CDC42EP3: variants seen among roughly 807,000 people sequenced by gnomAD.
CDC42EP3 encodes CDC42 effector protein 3, also known as CDC42 effector protein (Rho GTPase binding) 3.
Under a neutral mutation model 15.5 loss-of-function variants are expected in CDC42EP3, and 4 were observed. That is an observed-to-expected ratio of 0.26 (90% CI 0.13 to 0.59). The LOEUF (loss-of-function observed/expected upper bound fraction) is 0.59. Ranked by LOEUF, CDC42EP3 falls within the 20% of genes least tolerant of loss-of-function variation. The pLI is 0.89. For synonymous variants in CDC42EP3, 145 were observed against 130.3 expected, an observed-to-expected ratio of 1.11 and a Z score of -0.77; for missense variants, 309 against 311.2, an observed-to-expected ratio of 0.99 and a Z score of 0.05.
intron 1 of CDC42EP3, among the ~76,000 whole-genome samples, chr2:37,652,543 G>C (rs933978420): frequency 1.3e-5 from 2 of 152,030 alleles, no homozygotes; most frequent in Non-Finnish European, 1.5e-5. Context: ...ACATTCACTC[G>C]TGTCTGTCCT....
At chr2:37,670,287 C>A (rs1572531441) in intron 1 of CDC42EP3, among the ~76,000 whole-genome samples, 1 of 152,190 alleles carries the variant, frequency 6.6e-6, no homozygotes, top group South Asian at 2.1e-4. Context: ...TCCCAAGAAA[C>A]TCTTGGATAT....
intron 1 of CDC42EP3, among the ~76,000 whole-genome samples, chr2:37,657,084 C>T (rs1665889254): frequency 6.8e-6 from 1 of 147,002 alleles, no homozygotes; most frequent in African/African-American, 2.5e-5. Flanking sequence ...CAGAGGAAGC[C>T]CATTGCATGC....
chr2:37,654,594 G>A (rs937674788), intron 1 of CDC42EP3, among the ~76,000 whole-genome samples: 17 of 152,120 alleles, frequency 1.1e-4, no homozygotes, highest in Admixed American at 3.3e-4. Context: ...ACAGAGGGGA[G>A]GGCGGTTACC....
At chr2:37,663,929 C>T (rs991212636) in intron 1 of CDC42EP3, among the ~76,000 whole-genome samples, 1 of 152,098 alleles carries the variant, frequency 6.6e-6, no homozygotes. Flanking sequence ...AATCCCAGCA[C>T]TTTGGGAGGC....
At position 37,645,677 on chromosome 2, in the gene CDC42EP3, A is replaced by T; in HGVS notation, c.*146T>A. The T allele has an allele frequency of 1.5e-6, 1 of 682,470 alleles. No individual in the cohort carries two copies. The highest frequency in any genetic ancestry group is 2.7e-5 in the South Asian group (1 of 36,568). The allele number at this position is 682,470 out of a possible 1,614,324, so 42.3% of individuals were successfully genotyped here. ...TCTAAATTGTTTTTGCAAACAGGGC[A>T]TAACAGGTAAAAAAATACTTTGTAA... On this transcript the variant is annotated 3_prime_UTR_variant, in exon 2 of 2. Transcript: ENST00000295324.
At position 37,643,398 on chromosome 2, in the gene CDC42EP3, ATATT is replaced by A. The variant is rs939110899; in HGVS notation, c.*2421_*2424del. On this transcript the variant is annotated 3_prime_UTR_variant, in exon 2 of 2. Coordinates refer to ENST00000295324, the MANE Select transcript of CDC42EP3 (RefSeq NM_006449.5). ...TTTGTTTCCTCTTTCTAATACGGGC[ATATT>A]TATTGCCATCTCAATTATACCTAAT... The A allele has an allele frequency of 2.0e-5, 3 of 152,212 alleles. No homozygotes were observed. The highest frequency in any genetic ancestry group is 7.2e-5 in the African/African-American group (3 of 41,440). 9.4% of individuals were successfully genotyped at this position (152,212 alleles called of 1,614,324 possible). A position where few individuals can be genotyped will look rare whatever the true frequency, so the allele number is the denominator to read the frequency against.
At chr2:37,671,653 C>A (rs1250155429), upstream of CDC42EP3, 1 of 151,882 alleles carries the variant, frequency 6.6e-6, no homozygotes, top group Admixed American at 6.6e-5. Flanking sequence ...GAGCGCGGGG[C>A]GGCCGGACGC....
At chr2:37,649,366 G>A (rs540681949) in intron 1 of CDC42EP3, among the ~76,000 whole-genome samples, 1 of 146,012 alleles carries the variant, frequency 6.8e-6, no homozygotes, top group African/African-American at 2.5e-5. Flanking sequence ...GAGGTGGGAG[G>A]ACTGGTTGAG....
intron 1 of CDC42EP3, among the ~76,000 whole-genome samples, chr2:37,667,022 C>T (rs368678510): frequency 1.3e-5 from 2 of 152,170 alleles, no homozygotes; most frequent in East Asian, 1.9e-4. Context: ...TTCCAGAACC[C>T]TGTTTCCATC....
At chr2:37,661,148 GTATA>G (rs35916829) in intron 1 of CDC42EP3, among the ~76,000 whole-genome samples, 18 of 151,328 alleles carry the variant, frequency 1.2e-4, no homozygotes, top group African/African-American at 3.4e-4. Context: ...TATAGTGTGT[GTATA>G]TATATATACA....
At position 37,656,997 on chromosome 2, in the gene CDC42EP3, GCCCC is replaced by G. The variant is rs78545677; in HGVS notation, c.-235-10179_-235-10176del. 2.3e-3 allele frequency among the ~76,000 whole-genome samples: 87 copies of G among 38,616 alleles called. 1 individual carries two copies. The highest frequency in any genetic ancestry group is 6.8e-3 in the East Asian group (6 of 880). 25.3% of individuals were successfully genotyped at this position (38,616 alleles called of 152,430 possible). A position where few individuals can be genotyped will look rare whatever the true frequency, so the allele number is the denominator to read the frequency against. On this transcript the variant is annotated intron_variant, in intron 1 of 1. Coordinates refer to ENST00000295324, the MANE Select transcript of CDC42EP3 (RefSeq NM_006449.5). ...TAACAAAGCCCCCCCCCCACCCCCC[GCCCC>G]CCGCCATCCTCGAGGAGAAAAACAA... is the stretch of plus-strand genomic sequence containing the variant.
At chr2:37,663,515 T>C (rs1666145978) in intron 1 of CDC42EP3, among the ~76,000 whole-genome samples, 1 of 152,002 alleles carries the variant, frequency 6.6e-6, no homozygotes, top group South Asian at 2.1e-4. Context: ...AAAGCATTGG[T>C]GGGGGTTGCC....
At chr2:37,664,366 T>G (rs1478436512) in intron 1 of CDC42EP3, among the ~76,000 whole-genome samples, 1 of 152,214 alleles carries the variant, frequency 6.6e-6, no homozygotes, top group Non-Finnish European at 1.5e-5. Flanking sequence ...GGTCACAGAC[T>G]GAAGGCTGCA....
chr2:37,654,560 G>A (rs1265053976), intron 1 of CDC42EP3, among the ~76,000 whole-genome samples: 1 of 152,116 alleles, frequency 6.6e-6, no homozygotes, highest in East Asian at 1.9e-4. Flanking sequence ...GGGACAGCAA[G>A]TATGGCCATG....
At chr2:37,661,813 C>T (rs1666065549) in intron 1 of CDC42EP3, among the ~76,000 whole-genome samples, 2 of 152,142 alleles carry the variant, frequency 1.3e-5, no homozygotes, top group Admixed American at 1.3e-4. Context: ...TAAGTAGGGC[C>T]AATCTCTCTC....
intron 1 of CDC42EP3, among the ~76,000 whole-genome samples, chr2:37,670,232 A>T (rs1394904421): frequency 6.6e-6 from 1 of 152,186 alleles, no homozygotes; most frequent in Admixed American, 6.5e-5. Context: ...TAAAATACAG[A>T]CATCTGCTGC....
chr2:37,670,482 C>CT (rs5830491), intron 1 of CDC42EP3, among the ~76,000 whole-genome samples: 6,151 of 136,628 alleles, frequency 0.045, 156 homozygotes, highest in South Asian at 0.083. Context: ...AATTCGCTCA[C>CT]TTTTTTTTTT....
At chr2:37,658,303 C>G (rs758621498) in intron 1 of CDC42EP3, among the ~76,000 whole-genome samples, 1 of 152,188 alleles carries the variant, frequency 6.6e-6, no homozygotes, top group Non-Finnish European at 1.5e-5. Context: ...ATGTGACCAA[C>G]AGATTTTTTT....
intron 1 of CDC42EP3, among the ~76,000 whole-genome samples, chr2:37,663,101 G>A (rs763963852): frequency 2.6e-5 from 4 of 152,208 alleles, no homozygotes; most frequent in Non-Finnish European, 5.9e-5. Context: ...GGAGGCAGAG[G>A]TTGTAGTAAG....
Sources: gnomAD v4.1 joint callset for allele counts (sites outside exome capture counted in the v4.1 genomes callset) on GRCh38, gnomAD v4.1.1 for gene constraint, MANE v1.5 for transcripts, NCBI Gene and HGNC (gene_info 2026-07-23, HGNC 2026-07-21) for gene names.